The following PLPPR1 variants were observed in gnomAD, a reference collection of about 807,000 sequenced individuals.
The protein encoded by PLPPR1 is phospholipid phosphatase related 1, also known as phospholipid phosphatase-related protein type 1.
PLPPR1 carries 10 observed loss-of-function variants against 33.1 expected under a neutral mutation model. That is an observed-to-expected ratio of 0.30 (90% CI 0.19 to 0.51). The LOEUF is 0.51. PLPPR1 is among the 20% of genes least tolerant of loss of function. The pLI, the probability that PLPPR1 is intolerant of heterozygous loss-of-function variation, is 0.97. For missense variants in PLPPR1, 304 were observed against 408.1 expected, an observed-to-expected ratio of 0.74 and a Z score of 2.20; for synonymous variants, 151 against 151.0, an observed-to-expected ratio of 1.00 and a Z score of 0.00.
chr9:101,039,769 A>C lies in PLPPR1; in HGVS notation c.-46+10667A>C, dbSNP rs1482161071. ...TTTTTTAAAACCATCAGATCTCGTG[A>C]GACTCATTAACTATCGTGAGAACAG... is the stretch of plus-strand genomic sequence containing the variant. On this transcript the variant is annotated intron_variant, in intron 1 of 7. Coordinates refer to ENST00000374874, the MANE Select transcript of PLPPR1 (RefSeq NM_207299.2). 2.0e-5 allele frequency among the ~76,000 whole-genome samples: 3 copies of C among 152,078 alleles called. No homozygotes were observed. In the East Asian group the frequency reaches 5.8e-4, roughly 29 times the overall value.
At position 101,087,117 on chromosome 9, in the gene PLPPR1, G is replaced by A. The variant is rs1830687296; in HGVS notation, c.-46+58015G>A. Among the ~76,000 whole-genome samples the A allele has an allele frequency of 1.3e-5, 2 of 151,888 alleles. 1 individual carries two copies. The highest frequency in any genetic ancestry group is 4.2e-4 in the South Asian group (2 of 4,812). Reference sequence around the variant, plus strand: ...CACCTGGATCCAGGAGGTAGAGGTTGCAGTGAGCCAAGACTGCGCCACTGT... The same window carrying A: ...CACCTGGATCCAGGAGGTAGAGGTTACAGTGAGCCAAGACTGCGCCACTGT... On this transcript the variant is annotated intron_variant, in intron 1 of 7. Coordinates refer to ENST00000374874, the MANE Select transcript of PLPPR1 (RefSeq NM_207299.2).
intron 1 of PLPPR1, among the ~76,000 whole-genome samples, chr9:101,119,936 G>A (rs1041053911): frequency 8.5e-5 from 13 of 152,156 alleles, no homozygotes; most frequent in African/African-American, 3.1e-4. Flanking sequence ...GAAAACTCAG[G>A]TTATCAGTGG....
At chr9:101,155,233 A>G (rs1831663347) in intron 1 of PLPPR1, among the ~76,000 whole-genome samples, 3 of 152,212 alleles carry the variant, frequency 2.0e-5, no homozygotes, top group Admixed American at 6.5e-5. Flanking sequence ...TCTCTGGGCC[A>G]GTCCTGCTGA....
At chr9:101,323,414 G>T (rs1829191578) in intron 7 of PLPPR1, among the ~76,000 whole-genome samples, 1 of 148,476 alleles carries the variant, frequency 6.7e-6, no homozygotes, top group Non-Finnish European at 1.5e-5. Context: ...AGGATCACTT[G>T]AGCCCAGCAG....
chr9:101,293,334 A>G, intron 4 of PLPPR1, among the ~76,000 whole-genome samples: 2 of 151,810 alleles, frequency 1.3e-5, no homozygotes, highest in Non-Finnish European at 2.9e-5. Context: ...GGAGACTTAG[A>G]CTCCCACACA....
chr9:101,204,115 C>T (rs1826545615), intron 2 of PLPPR1, among the ~76,000 whole-genome samples: 1 of 152,116 alleles, frequency 6.6e-6, no homozygotes, highest in Non-Finnish European at 1.5e-5. Flanking sequence ...TTTAGTGTTG[C>T]AGTTTACTGA....
chr9:101,189,618 T>C (rs1427601947), intron 2 of PLPPR1, among the ~76,000 whole-genome samples: 1 of 152,126 alleles, frequency 6.6e-6, no homozygotes, highest in Non-Finnish European at 1.5e-5. Context: ...ACTTATTGTG[T>C]ATCCTGAATA....
intron 1 of PLPPR1, among the ~76,000 whole-genome samples, chr9:101,139,845 C>G (rs73495983): frequency 0.018 from 2,703 of 152,188 alleles, 73 homozygotes; most frequent in African/African-American, 0.062. Flanking sequence ...CTAGAATGGC[C>G]ATTTTGAACT....
intron 4 of PLPPR1, among the ~76,000 whole-genome samples, chr9:101,287,144 G>A (rs1828406973): frequency 6.6e-6 from 1 of 152,178 alleles, no homozygotes; most frequent in Admixed American, 6.5e-5. Flanking sequence ...GAGTGGAAAT[G>A]AAAGAAATAG....
At chr9:101,268,005 C>T (rs12347679) in intron 2 of PLPPR1, among the ~76,000 whole-genome samples, 7,226 of 151,746 alleles carry the variant, frequency 0.048, 293 homozygotes, top group African/African-American at 0.11. Flanking sequence ...ATCGCCAGGA[C>T]GAAAAACCAA....
intron 1 of PLPPR1, among the ~76,000 whole-genome samples, chr9:101,126,547 G>A (rs184459061): frequency 6.6e-6 from 1 of 152,262 alleles, no homozygotes; most frequent in Admixed American, 6.5e-5. Context: ...TTATTGAGGT[G>A]CCCTCTGAAT....
intron 1 of PLPPR1, among the ~76,000 whole-genome samples, chr9:101,168,269 C>T (rs1825889421): frequency 6.6e-6 from 1 of 152,132 alleles, no homozygotes; most frequent in South Asian, 2.1e-4. Context: ...CTCTAACATC[C>T]TTAACTTGCA....
chr9:101,305,267 G>A (rs1451541363), intron 4 of PLPPR1, among the ~76,000 whole-genome samples: 1 of 152,090 alleles, frequency 6.6e-6, no homozygotes, highest in Non-Finnish European at 1.5e-5. Context: ...GAGAAAAAGA[G>A]AGAGATTAAA....
intron 1 of PLPPR1, among the ~76,000 whole-genome samples, chr9:101,101,670 C>T (rs1006677014): frequency 1.3e-5 from 2 of 152,072 alleles, no homozygotes; most frequent in African/African-American, 4.8e-5. Context: ...TGTAAAGATC[C>T]TTTAGATATC....
intron 3 of PLPPR1, among the ~76,000 whole-genome samples, chr9:101,285,751 T>C (rs1177521591): frequency 1.3e-5 from 2 of 152,182 alleles, no homozygotes; most frequent in Middle Eastern, 3.2e-3. Context: ...CTTGGGCACA[T>C]TGGCTGTCTG....
intron 2 of PLPPR1, among the ~76,000 whole-genome samples, chr9:101,188,996 G>A (rs1377009661): frequency 6.6e-6 from 1 of 151,550 alleles, no homozygotes; most frequent in Non-Finnish European, 1.5e-5. Flanking sequence ...TTATCCTTTA[G>A]CAATCCTTTC....
chr9:101,197,609 G>A (rs548395920), intron 2 of PLPPR1, among the ~76,000 whole-genome samples: 1 of 152,256 alleles, frequency 6.6e-6, no homozygotes, highest in South Asian at 2.1e-4. Flanking sequence ...ATGCCTTTTT[G>A]GAACTATGTG....
intron 1 of PLPPR1, among the ~76,000 whole-genome samples, chr9:101,077,971 A>T (rs1259706140): frequency 6.6e-6 from 1 of 150,948 alleles, no homozygotes; most frequent in Non-Finnish European, 1.5e-5. Flanking sequence ...GTTTATGATC[A>T]TTCCTTTTCA....
At chr9:101,265,713 G>T (rs1445915653) in intron 2 of PLPPR1, among the ~76,000 whole-genome samples, 1 of 152,114 alleles carries the variant, frequency 6.6e-6, no homozygotes, top group Non-Finnish European at 1.5e-5. Flanking sequence ...ATGGTCACAG[G>T]AGGCCGGGTA....
Sources: allele counts gnomAD v4.1 joint callset (sites outside exome capture counted in the v4.1 genomes callset), GRCh38; gene constraint gnomAD v4.1.1; transcripts MANE v1.5; gene names NCBI Gene and HGNC (gene_info 2026-07-23, HGNC 2026-07-21).